PCNT: variants seen among roughly 807,000 people sequenced by gnomAD.
The protein encoded by PCNT is pericentrin, also known as kendrin.
PCNT carries 319 observed loss-of-function variants against 380.4 expected under a neutral mutation model. The observed-to-expected ratio is 0.84, with a 90% CI of 0.77 to 0.92. The LOEUF (loss-of-function observed/expected upper bound fraction) is 0.92. Among genes scored for constraint, PCNT ranks in the 40% least tolerant of loss-of-function variants. The pLI is 0.00. For synonymous variants in PCNT, 1,845 were observed against 1,735.2 expected, an observed-to-expected ratio of 1.06 and a Z score of -1.57; for missense variants, 4,400 against 4,255.3, an observed-to-expected ratio of 1.03 and a Z score of -0.95.
intron 32 of PCNT, among the ~76,000 whole-genome samples, chr21:46,423,915 G>A (rs555682869): frequency 4.6e-5 from 7 of 152,246 alleles, no homozygotes; most frequent in Admixed American, 3.3e-4. Context: ...AAGTCCAGTT[G>A]AAAATCACAA....
chr21:46,353,366 A>G (rs759692713), intron 10 of PCNT, 40 bp downstream of exon 10: 1 of 1,534,596 alleles, frequency 6.5e-7, no homozygotes, highest in Non-Finnish European at 9.0e-7. Flanking sequence ...TTTCTGCCAT[A>G]CAGGGGCCAG....
Position 46,398,826 on chromosome 21 carries a change from T to C in PCNT, c.4584+571T>C, listed in dbSNP as rs558506416. On this transcript the variant is annotated intron_variant, in intron 24 of 46. Coordinates refer to ENST00000359568, the MANE Select transcript of PCNT (RefSeq NM_006031.6). ...ATTCTTTTTTTTTCTTTTTCTTTTT[T>C]TTTTTTTTTTTGAGTTGGAGTCTCA... is the stretch of plus-strand genomic sequence containing the variant. Among the ~76,000 whole-genome samples, 30 of 149,048 alleles carry C rather than the reference T, an allele frequency of 2.0e-4. 1 individual carries two copies. The highest frequency in any genetic ancestry group is 8.1e-4 in the Admixed American group (12 of 14,884).
rs145055342 is a variant in PCNT at position 46,391,269 on chromosome 21, G to A, written c.4109G>A (p.Arg1370Gln). The change falls in exon 21 of 47, where the codon CGG becomes CAG. Residue 1370 changes from arginine (R) to glutamine (Q), a missense_variant. Arg to Gln is a conservative substitution (Grantham distance 43). Transcript: ENST00000359568. ...GTGCTGGAGCTGGAGAGCCTGAGAC[G>A]GCAGCTGCAGCAGGCGGCCCAGGAG... is the stretch of plus-strand genomic sequence containing the variant. ...RLVLELESLRRQLQQAAQEQA... is the reference protein window; with the variant it reads ...RLVLELESLRQQLQQAAQEQA... The A allele has an allele frequency of 3.1e-4, 492 of 1,596,248 alleles. 4 individuals carry two copies. Among genetic ancestry groups the A allele is most frequent in the Non-Finnish European group, 3.1e-4 (361 of 1,171,766 alleles).
In PCNT at chr21:46,416,542, G is replaced by A. The variant is rs1319352141; in HGVS notation, c.6624G>A (p.Glu2208=). The change falls in exon 30 of 47, where the codon GAG becomes GAA. Residue 2208 remains glutamate (E), a synonymous_variant. Coordinates refer to ENST00000359568, the MANE Select transcript of PCNT (RefSeq NM_006031.6). ...GGSRHQSHTA[E]AGPRKSPVGM... is the part of the protein sequence containing the mutation. ...CCCGCCACCAGAGCCACACTGCAGA[G>A]GCTGGGCCCCGGAAGAGCCCGGTCG... 1.9e-6 allele frequency: 3 copies of A among 1,613,346 alleles called. No individual in the cohort carries two copies. Among genetic ancestry groups the A allele is most frequent in the Middle Eastern group, 1.6e-4 (1 of 6,084 alleles).
intron 1 of PCNT, chr21:46,325,270 C>A (rs2146214000): frequency 1.1e-6 from 1 of 908,594 alleles, no homozygotes; most frequent in Non-Finnish European, 1.3e-6. Flanking sequence ...GCGGGGCTCC[C>A]GGGCACGGCG....
intron 10 of PCNT, among the ~76,000 whole-genome samples, chr21:46,353,713 CAG>C: frequency 8.2e-6 from 1 of 121,994 alleles, no homozygotes; most frequent in African/African-American, 3.4e-5. Flanking sequence ...CACTCTCCTC[CAG>C]GTGTGTGTGT....
rs572476865 is a variant in PCNT, at chr21:46,368,254, G to A, written c.3165+1115G>A. On this transcript the variant is annotated intron_variant, in intron 15 of 46. Transcript: ENST00000359568. ...AGGTCAGGTGATCGAGACCATCCTG[G>A]CTAACACGGTGAAACCCCGTCTCTA... Among the ~76,000 whole-genome samples the A allele has an allele frequency of 8.9e-4, 135 of 152,262 alleles. 1 individual carries two copies. The Middle Eastern group carries it at 0.014, about 15-fold the overall frequency.
Position 46,422,119 on chromosome 21 carries a change from G to A in PCNT, c.7174G>A (p.Val2392Met), listed in dbSNP as rs200405245. ...MKEKEVRPKHVKALLQMVRDE... is the reference protein window; with the variant it reads ...MKEKEVRPKHMKALLQMVRDE... ...GGAGAAGGAAGTGCGTCCGAAGCAC[G>A]TGAAGGTATGGCTGGCAGGGGCGGC... Residue 2392 changes from valine to methionine, a missense_variant, in exon 32 of 47, where the codon GTG becomes ATG. Physicochemically the swap from Val to Met is conservative, Grantham distance 21. Transcript: ENST00000359568. 4 of 1,613,636 alleles carry A rather than the reference G, an allele frequency of 2.5e-6. No homozygotes were observed. Among genetic ancestry groups the A allele is most frequent in the Non-Finnish European group, 2.5e-6 (3 of 1,180,026 alleles).
rs995865094 is a variant in PCNT at position 46,388,647 on chromosome 21, G to T, written c.3465-95G>T. The T allele has an allele frequency of 1.3e-5, 19 of 1,492,364 alleles. No individual in the cohort carries two copies. In the African/African-American group the frequency reaches 2.1e-4, roughly 16 times the overall value. 92.4% of individuals were successfully genotyped at this position (1,492,364 alleles called of 1,614,324 possible). ...TGGGGACAGGCAGCCGTGGGCCGAG[G>T]TGTGCAAACTGGTGGGCGGCCCCTC... On this transcript the variant is annotated intron_variant, in intron 17 of 46. Transcript: ENST00000359568. The surrounding 1 kb of genome is among the most constrained non-coding windows in gnomAD (Gnocchi z 4.2).
intron 13 of PCNT, among the ~76,000 whole-genome samples, chr21:46,360,169 A>G (rs1460279353): frequency 7.3e-6 from 1 of 136,368 alleles, no homozygotes; most frequent in Non-Finnish European, 1.6e-5. Context: ...CTTTTAATCT[A>G]TTCAAAGTAA....
chr21:46,372,964 C>T (rs867302873), intron 15 of PCNT, among the ~76,000 whole-genome samples: 9 of 152,248 alleles, frequency 5.9e-5, no homozygotes, highest in Admixed American at 1.3e-4. Context: ...TGTTCGTTTT[C>T]TGAAATCGTG....
At position 46,437,124 on chromosome 21, in the gene PCNT, C is replaced by G. The variant is rs751323516; in HGVS notation, c.9099+43C>G. 3.6e-5 allele frequency: 46 copies of G among 1,279,930 alleles called. No homozygotes were observed. In the Admixed American group the frequency reaches 7.3e-4, roughly 20 times the overall value. The allele number at this position is 1,279,930 out of a possible 1,614,324, so 79.3% of individuals were successfully genotyped here. A position where few individuals can be genotyped will look rare whatever the true frequency, so the allele number is the denominator to read the frequency against. On this transcript the variant is annotated intron_variant, in intron 40 of 46. Transcript: ENST00000359568. ...CCAGGTCCCTGGCCTGGCTCCTCCC[C>G]CAGAGGGGCCCTCTCGGCAGCTTTG...
intron 24 of PCNT, among the ~76,000 whole-genome samples, chr21:46,399,369 G>T (rs1256754062): frequency 6.7e-6 from 1 of 149,218 alleles, no homozygotes; most frequent in African/African-American, 2.5e-5. Context: ...TTCAGCCTGT[G>T]GGTCTGGGTC....
chr21:46,399,552 A>G (rs764460720), intron 24 of PCNT, 38 bp from the exon 25 acceptor site: 8 of 1,485,310 alleles, frequency 5.4e-6, no homozygotes, highest in South Asian at 1.1e-5. Flanking sequence ...TTTATAAAAC[A>G]TTCTATTGTA....
chr21:46,401,347 G>A (rs751981582), intron 25 of PCNT, among the ~76,000 whole-genome samples: 10 of 152,126 alleles, frequency 6.6e-5, no homozygotes, highest in Admixed American at 2.0e-4. Flanking sequence ...TCTCAGTCAC[G>A]TCCTGCACCA....
intron 3 of PCNT, among the ~76,000 whole-genome samples, chr21:46,344,785 G>C (rs1040633454): frequency 6.6e-6 from 1 of 152,234 alleles, no homozygotes; most frequent in African/African-American, 2.4e-5. Flanking sequence ...CGGGCCCCCT[G>C]CAGCTTTTCT....
intron 44 of PCNT, 169 bp downstream of exon 44, chr21:46,442,742 G>T (rs1179259187): frequency 1.7e-5 from 11 of 666,128 alleles, no homozygotes; most frequent in Non-Finnish European, 2.7e-5. Context: ...CGCGCCCGGC[G>T]TAGGGAGGTC....
Position 46,416,363 on chromosome 21 carries a change from G to T in PCNT, c.6445G>T (p.Ala2149Ser). ...TDVIKNQAIDACDANTTPGGV... is the reference protein window; with the variant it reads ...TDVIKNQAIDSCDANTTPGGV... ...TGTTATCAAAAATCAGGCCATAGAC[G>T]CGTGTGATGCCAATACAACCCCAGG... The change falls in exon 30 of 47, where the codon GCG (alanine) becomes TCG (serine). Residue 2149 changes from alanine to serine, a missense_variant. By Grantham distance (99) the Ala-to-Ser change is moderately conservative (BLOSUM62 1). Transcript: ENST00000359568. The T allele has an allele frequency of 1.2e-6, 2 of 1,614,062 alleles. No individual in the cohort carries two copies. The highest frequency in any genetic ancestry group is 2.2e-5 in the South Asian group (2 of 91,088).
chr21:46,439,343 G>T (rs2053547434), intron 41 of PCNT, among the ~76,000 whole-genome samples: 5 of 152,064 alleles, frequency 3.3e-5, no homozygotes, highest in Admixed American at 2.6e-4. Flanking sequence ...TCACTTTTTG[G>T]GTTTTTTTTC....
Sources: allele counts gnomAD v4.1 joint callset (sites outside exome capture counted in the v4.1 genomes callset), GRCh38; gene constraint gnomAD v4.1.1; non-coding constraint Gnocchi (gnomAD v3.1); transcripts MANE v1.5; gene names NCBI Gene and HGNC (gene_info 2026-07-23, HGNC 2026-07-21).